Variants in SLC38A12 observed in about 807,000 individuals in gnomAD.
SLC38A12 encodes the protein putative sodium-coupled neutral amino acid transporter 12.
chr17:74,783,880 G>A, the SLC38A12 span, among the ~76,000 whole-genome samples: 2 of 151,516 alleles, frequency 1.3e-5, no homozygotes, highest in Non-Finnish European at 2.9e-5. Flanking sequence ...ACAGGCACAC[G>A]CCACCCCCCA....
At chr17:74,819,978 G>A in the SLC38A12 span, 7 of 737,720 alleles carry the variant, frequency 9.5e-6, no homozygotes, top group Admixed American at 4.6e-5. Context: ...GGCCTGTCTG[G>A]TCCTCCCACC....
the SLC38A12 span, among the ~76,000 whole-genome samples, chr17:74,834,980 C>T: frequency 5.3e-5 from 8 of 152,354 alleles, no homozygotes; most frequent in Admixed American, 1.3e-4. Flanking sequence ...CTTGTCCCTG[C>T]GGTGCGCAGG....
the SLC38A12 span, among the ~76,000 whole-genome samples, chr17:74,799,602 G>T: frequency 6.6e-6 from 1 of 152,170 alleles, no homozygotes; most frequent in Non-Finnish European, 1.5e-5. Context: ...GGGGATTTCT[G>T]TCTGCTGGCC....
At chr17:74,790,132 T>C in the SLC38A12 span, 26 of 1,338,188 alleles carry the variant, frequency 1.9e-5, no homozygotes, top group Non-Finnish European at 2.8e-5. Context: ...ATTCTGTACT[T>C]TTTTGATGTG....
the SLC38A12 span, chr17:74,790,254 G>A: frequency 1.2e-6 from 2 of 1,614,028 alleles, no homozygotes; most frequent in Admixed American, 1.7e-5. Flanking sequence ...TCTCATCCGG[G>A]ACAACTACGA....
the SLC38A12 span, chr17:74,838,514 C>T: frequency 1.9e-6 from 2 of 1,049,204 alleles, no homozygotes; most frequent in East Asian, 8.0e-5. Context: ...CTTCATAAAG[C>T]CCAGGTTGAT....
chr17:74,795,034 C>T, the SLC38A12 span: 6 of 1,613,956 alleles, frequency 3.7e-6, no homozygotes, highest in African/African-American at 4.0e-5. Flanking sequence ...TGTTCTATTT[C>T]TGCATCATCG....
At chr17:74,810,468 A>G in the SLC38A12 span, among the ~76,000 whole-genome samples, 2 of 152,346 alleles carry the variant, frequency 1.3e-5, no homozygotes, top group East Asian at 3.9e-4. Flanking sequence ...GCTAACACTA[A>G]TCACTGCTGC....
the SLC38A12 span, chr17:74,837,680 G>T: frequency 1.0e-6 from 1 of 985,718 alleles, no homozygotes; most frequent in East Asian, 1.1e-4. Context: ...CTTGGGCAAT[G>T]TGGGGTTGGA....
At chr17:74,797,928 G>T in the SLC38A12 span, among the ~76,000 whole-genome samples, 225 of 152,332 alleles carry the variant, frequency 1.5e-3, no homozygotes, top group African/African-American at 4.8e-3. Flanking sequence ...CAGAGGAGGA[G>T]GGCTGTCCTT....
At chr17:74,791,357 G>A in the SLC38A12 span, among the ~76,000 whole-genome samples, 753 of 134,320 alleles carry the variant, frequency 5.6e-3, no homozygotes, top group African/African-American at 0.012. Context: ...CTCCAGCGGA[G>A]GTCAGGAACC....
the SLC38A12 span, among the ~76,000 whole-genome samples, chr17:74,821,160 C>G: frequency 1.3e-5 from 2 of 152,226 alleles, no homozygotes. Flanking sequence ...TTGCCTTGAG[C>G]CATGCTCACC....
the SLC38A12 span, among the ~76,000 whole-genome samples, chr17:74,828,808 C>T: frequency 6.6e-6 from 1 of 152,152 alleles, no homozygotes; most frequent in South Asian, 2.1e-4. Context: ...CAAATCAGGG[C>T]AGATGACAGG....
At chr17:74,826,748 C>T in the SLC38A12 span, among the ~76,000 whole-genome samples, 1 of 152,226 alleles carries the variant, frequency 6.6e-6, no homozygotes, top group Non-Finnish European at 1.5e-5. Flanking sequence ...TGGGCCAGCT[C>T]AGGCTCCAAA....
the SLC38A12 span, chr17:74,795,578 C>G: frequency 6.2e-7 from 1 of 1,614,108 alleles, no homozygotes; most frequent in Non-Finnish European, 8.5e-7. Flanking sequence ...AATACAATGA[C>G]ACTGACCGGT....
the SLC38A12 span, among the ~76,000 whole-genome samples, chr17:74,801,839 C>T: frequency 6.6e-6 from 1 of 152,080 alleles, no homozygotes; most frequent in African/African-American, 2.4e-5. Context: ...TATCTTAGAC[C>T]AGGAATGGCT....
the SLC38A12 span, among the ~76,000 whole-genome samples, chr17:74,808,738 G>A: frequency 6.6e-6 from 1 of 152,228 alleles, no homozygotes; most frequent in Non-Finnish European, 1.5e-5. Context: ...GAGACAACAG[G>A]CGGGGTATTA....
the SLC38A12 span, among the ~76,000 whole-genome samples, chr17:74,807,642 G>A: frequency 1.3e-5 from 2 of 152,244 alleles, no homozygotes; most frequent in African/African-American, 2.4e-5. Context: ...TCTTTGGGGG[G>A]CAGAAGTAGA....
chr17:74,808,624 G>C, the SLC38A12 span, among the ~76,000 whole-genome samples: 1 of 152,186 alleles, frequency 6.6e-6, no homozygotes, highest in African/African-American at 2.4e-5. Context: ...TGGAGAGCTT[G>C]GGAAGGGCTC....
Sources: allele counts gnomAD v4.1 joint callset (sites outside exome capture counted in the v4.1 genomes callset), GRCh38; gene constraint gnomAD v4.1.1; transcripts MANE v1.5; gene names NCBI Gene and HGNC (gene_info 2026-07-23, HGNC 2026-07-21).